The following ADAMTS12 variants were observed in gnomAD, a reference collection of about 807,000 sequenced individuals.
The protein encoded by ADAMTS12 is A disintegrin and metalloproteinase with thrombospondin motifs 12.
A neutral mutation model predicts 167.8 loss-of-function variants in ADAMTS12; 118 were observed. That is an observed-to-expected ratio of 0.70 (90% confidence interval 0.61 to 0.82). The LOEUF is 0.82. ADAMTS12 is among the 40% of genes least tolerant of loss of function. The probability of loss-of-function intolerance (pLI) is 0.00; values close to 1 mark genes in which losing one functional copy is unlikely to be tolerated. For synonymous variants in ADAMTS12, 704 were observed against 716.9 expected (o/e 0.98, Z 0.29); for missense variants, 1,916 against 1,998.8 (o/e 0.96, Z 0.79).
chr5:33,768,242 T>C (rs1745617576), intron 2 of ADAMTS12, among the ~76,000 whole-genome samples: 1 of 152,156 alleles, frequency 6.6e-6, no homozygotes, highest in Non-Finnish European at 1.5e-5. Flanking sequence ...TATTCAGTCA[T>C]TCACATGTTT....
intron 2 of ADAMTS12, among the ~76,000 whole-genome samples, chr5:33,863,296 A>G (rs941383428): frequency 6.6e-6 from 1 of 152,210 alleles, no homozygotes; most frequent in African/African-American, 2.4e-5. Context: ...AGAAAACCCC[A>G]TTGTCTCTGT....
intron 12 of ADAMTS12, among the ~76,000 whole-genome samples, chr5:33,633,807 A>G (rs919668441): frequency 3.9e-5 from 6 of 152,122 alleles, no homozygotes; most frequent in African/African-American, 1.4e-4. Flanking sequence ...TGAGTCCATC[A>G]TCTCTACAGA....
chr5:33,631,136 G>T (rs1307294542), intron 12 of ADAMTS12, among the ~76,000 whole-genome samples: 1 of 152,046 alleles, frequency 6.6e-6, no homozygotes, highest in Non-Finnish European at 1.5e-5. Flanking sequence ...GTTTCATAAT[G>T]AATTAAATTA....
intron 15 of ADAMTS12, 46 bp from the exon 16 acceptor site, chr5:33,614,422 C>T (rs369329019): frequency 1.3e-6 from 2 of 1,599,706 alleles, no homozygotes; most frequent in Admixed American, 3.4e-5. Context: ...TGACTTTATA[C>T]CATAAGCCAG....
intron 20 of ADAMTS12, among the ~76,000 whole-genome samples, chr5:33,559,834 C>T (rs1291846357): frequency 6.6e-6 from 1 of 152,120 alleles, no homozygotes; most frequent in Non-Finnish European, 1.5e-5. Flanking sequence ...GGGCCAACAT[C>T]ACGCCATTGC....
At chr5:33,662,961 G>A (rs1741310819) in intron 5 of ADAMTS12, among the ~76,000 whole-genome samples, 1 of 152,166 alleles carries the variant, frequency 6.6e-6, no homozygotes, top group Admixed American at 6.5e-5. Flanking sequence ...AAGAACTTCA[G>A]GACAGTCTCT....
At chr5:33,604,358 G>A (rs189191793) in intron 16 of ADAMTS12, among the ~76,000 whole-genome samples, 1 of 152,220 alleles carries the variant, frequency 6.6e-6, no homozygotes, top group African/African-American at 2.4e-5. Flanking sequence ...AAAATTAGCT[G>A]GGTGTGGTGG....
At chr5:33,601,365 G>A (rs1462112160) in intron 16 of ADAMTS12, among the ~76,000 whole-genome samples, 3 of 152,040 alleles carry the variant, frequency 2.0e-5, no homozygotes, top group African/African-American at 7.2e-5. Flanking sequence ...CTAAGTCCTG[G>A]TACTATGCTG....
At chr5:33,624,390 G>A in intron 13 of ADAMTS12, 39 bp from the exon 14 acceptor site, 1 of 1,612,792 alleles carries the variant, frequency 6.2e-7, no homozygotes, top group South Asian at 1.1e-5. Context: ...GCCCAGGCAG[G>A]GGATGCCACT....
intron 16 of ADAMTS12, among the ~76,000 whole-genome samples, chr5:33,612,376 TCACTGCACACATCAGC>T (rs769117969): frequency 1.1e-4 from 17 of 152,248 alleles, no homozygotes; most frequent in Non-Finnish European, 2.1e-4. Flanking sequence ...CTTTTTATGA[TCACTGCACACATCAGC>T]CACTTATCTC....
chr5:33,686,536 A>T (rs1742330157), intron 3 of ADAMTS12, among the ~76,000 whole-genome samples: 1 of 151,918 alleles, frequency 6.6e-6, no homozygotes, highest in Non-Finnish European at 1.5e-5. Context: ...TAGGCACTGA[A>T]TGTTTGCATC....
chr5:33,714,982 T>G (rs1743552243), intron 3 of ADAMTS12, among the ~76,000 whole-genome samples: 1 of 152,104 alleles, frequency 6.6e-6, no homozygotes, highest in Non-Finnish European at 1.5e-5. Flanking sequence ...AAATGATAAA[T>G]CTTTTAGGTA....
intron 21 of ADAMTS12, among the ~76,000 whole-genome samples, chr5:33,547,656 A>T (rs545860063): frequency 2.5e-4 from 38 of 152,316 alleles, no homozygotes; most frequent in Non-Finnish European, 5.3e-4. Flanking sequence ...GGTTTGCTCA[A>T]AACAGGGCAA....
At chr5:33,678,520 G>T (rs182232138) in intron 5 of ADAMTS12, among the ~76,000 whole-genome samples, 44 of 152,270 alleles carry the variant, frequency 2.9e-4, no homozygotes, top group Non-Finnish European at 1.5e-5. Context: ...GGTCAGGAAA[G>T]GCTTCCCCAA....
intron 2 of ADAMTS12, among the ~76,000 whole-genome samples, chr5:33,757,370 AG>A (rs1745203185): frequency 6.6e-6 from 1 of 152,232 alleles, no homozygotes; most frequent in Admixed American, 6.5e-5. Context: ...GGGCTATGTG[AG>A]GGAGCTGCCA....
intron 3 of ADAMTS12, among the ~76,000 whole-genome samples, chr5:33,695,260 C>A (rs557682787): frequency 6.6e-6 from 1 of 152,294 alleles, no homozygotes; most frequent in South Asian, 2.1e-4. Context: ...TTTATCCTCA[C>A]CCTCACCTTG....
At chr5:33,662,321 A>G (rs1741287747) in intron 5 of ADAMTS12, among the ~76,000 whole-genome samples, 1 of 152,256 alleles carries the variant, frequency 6.6e-6, no homozygotes, top group Non-Finnish European at 1.5e-5. Flanking sequence ...ATTTAAAAAT[A>G]TATTAGCAAT....
intron 2 of ADAMTS12, among the ~76,000 whole-genome samples, chr5:33,840,630 G>T (rs2111594359): frequency 6.6e-6 from 1 of 152,366 alleles, no homozygotes; most frequent in Admixed American, 6.5e-5. Flanking sequence ...TGTTGAAACT[G>T]GTTGTAGCCA....
At chr5:33,614,523 GTCTGTGCCTATGTCTAT>G in intron 15 of ADAMTS12, 147 bp from the exon 16 acceptor site, 1 of 882,730 alleles carries the variant, frequency 1.1e-6, no homozygotes. Flanking sequence ...CTATACCTAT[GTCTGTGCCTATGTCTAT>G]ACCTATGTCT....
Sources: gnomAD v4.1 joint callset for allele counts (sites outside exome capture counted in the v4.1 genomes callset) on GRCh38, gnomAD v4.1.1 for gene constraint, MANE v1.5 for transcripts, NCBI Gene and HGNC (gene_info 2026-07-23, HGNC 2026-07-21) for gene names.